The following WWOX variants were observed in gnomAD, a reference collection of about 807,000 sequenced individuals.
WWOX encodes WW domain containing oxidoreductase, also known as WW domain-containing oxidoreductase.
In WWOX, 69 loss-of-function variants were observed where a neutral mutation model predicts 46.2. The observed-to-expected ratio is 1.49, with a 90% CI of 1.23 to 1.82. The LOEUF (loss-of-function observed/expected upper bound fraction) is 1.82, where lower values mean the gene tolerates loss of function less well. Ranked by LOEUF, WWOX falls within the 40% of genes most tolerant of loss-of-function variation. The pLI is 0.00. For synonymous variants in WWOX, 359 were observed against 202.6 expected (o/e 1.77, Z -6.56); for missense variants, 919 against 542.6 (o/e 1.69, Z -6.89).
intron 8 of WWOX, among the ~76,000 whole-genome samples, chr16:78,719,103 A>T (rs745318567): frequency 2.0e-5 from 3 of 152,194 alleles, no homozygotes; most frequent in Non-Finnish European, 1.5e-5. Context: ...ATGACGCACA[A>T]CTGGTTTCAA....
intron 8 of WWOX, among the ~76,000 whole-genome samples, chr16:78,846,676 C>G (rs1432856601): frequency 2.6e-5 from 4 of 152,046 alleles, no homozygotes; most frequent in Non-Finnish European, 5.9e-5. Context: ...CCAGATTTCT[C>G]CACTGTAAAG....
At chr16:78,869,824 G>C (rs80142642) in intron 8 of WWOX, among the ~76,000 whole-genome samples, 2,604 of 152,306 alleles carry the variant, frequency 0.017, 81 homozygotes, top group African/African-American at 0.059. Flanking sequence ...CATTTGCTTT[G>C]GAGTAAGTTT....
At chr16:78,443,070 A>G (rs1442675622) in intron 8 of WWOX, among the ~76,000 whole-genome samples, 2 of 135,402 alleles carry the variant, frequency 1.5e-5, no homozygotes, top group Admixed American at 1.7e-4. Flanking sequence ...CGGGAGGTGG[A>G]GGTTGCAGTG....
intron 8 of WWOX, among the ~76,000 whole-genome samples, chr16:78,820,066 G>A (rs2051450519): frequency 1.3e-5 from 2 of 152,150 alleles, no homozygotes; most frequent in African/African-American, 2.4e-5. Flanking sequence ...CCTCTGTACT[G>A]TCATCGTTAT....
chr16:78,398,516 C>T (rs1233204654), intron 6 of WWOX, among the ~76,000 whole-genome samples: 4 of 152,202 alleles, frequency 2.6e-5, no homozygotes, highest in African/African-American at 9.6e-5. Flanking sequence ...CTTCTACCTG[C>T]TCTTACCCGG....
chr16:78,979,523 C>CA (rs2046639914), intron 8 of WWOX, among the ~76,000 whole-genome samples: 1 of 152,184 alleles, frequency 6.6e-6, no homozygotes, highest in Non-Finnish European at 1.5e-5. Flanking sequence ...GAAAGGCCCT[C>CA]ACTCCCTGGA....
intron 8 of WWOX, among the ~76,000 whole-genome samples, chr16:78,940,723 C>T (rs941062205): frequency 6.1e-5 from 9 of 147,758 alleles, no homozygotes; most frequent in Non-Finnish European, 7.4e-5. Context: ...ATCTACCCAG[C>T]GGGGTTACTT....
At chr16:79,188,485 G>A (rs1295130527) in intron 8 of WWOX, among the ~76,000 whole-genome samples, 1 of 152,204 alleles carries the variant, frequency 6.6e-6, no homozygotes, top group Non-Finnish European at 1.5e-5. Flanking sequence ...CCAGTAGGAG[G>A]TTCAGCACGC....
At chr16:78,391,140 G>A (rs1276981257) in intron 6 of WWOX, among the ~76,000 whole-genome samples, 1 of 152,170 alleles carries the variant, frequency 6.6e-6, no homozygotes, top group Non-Finnish European at 1.5e-5. Flanking sequence ...CCTTCTGTGG[G>A]AGATGGGGAT....
chr16:78,488,560 A>T (rs533639408), intron 8 of WWOX, among the ~76,000 whole-genome samples: 1 of 152,070 alleles, frequency 6.6e-6, no homozygotes. Flanking sequence ...TTTTGGCCCT[A>T]CCTGGAGCCT....
chr16:78,672,541 G>A (rs768383439), intron 8 of WWOX, among the ~76,000 whole-genome samples: 1 of 152,202 alleles, frequency 6.6e-6, no homozygotes, highest in Non-Finnish European at 1.5e-5. Context: ...AGTCGGCAGT[G>A]TAGCATGGCA....
At chr16:78,754,081 T>A (rs1325779912) in intron 8 of WWOX, among the ~76,000 whole-genome samples, 2 of 151,860 alleles carry the variant, frequency 1.3e-5, no homozygotes, top group South Asian at 4.2e-4. Flanking sequence ...CCATTGGGCA[T>A]TGCTAAGTAT....
chr16:78,351,081 A>T (rs549588229), intron 5 of WWOX, among the ~76,000 whole-genome samples: 1 of 152,090 alleles, frequency 6.6e-6, no homozygotes, highest in East Asian at 1.9e-4. Context: ...TGATTATTGG[A>T]TGGATGATTT....
intron 8 of WWOX, among the ~76,000 whole-genome samples, chr16:78,964,217 G>C (rs1055027655): frequency 1.1e-4 from 17 of 152,202 alleles, no homozygotes; most frequent in African/African-American, 3.6e-4. Flanking sequence ...AGTTAGAACC[G>C]TTGGGAGGTC....
At chr16:78,876,183 G>A (rs2044230069) in intron 8 of WWOX, among the ~76,000 whole-genome samples, 1 of 150,404 alleles carries the variant, frequency 6.6e-6, no homozygotes, top group Admixed American at 6.7e-5. Context: ...TTTAACAACG[G>A]AAAACACTTA....
At chr16:78,549,761 G>A (rs2738509) in intron 8 of WWOX, among the ~76,000 whole-genome samples, 1 of 152,180 alleles carries the variant, frequency 6.6e-6, no homozygotes, top group Non-Finnish European at 1.5e-5. Context: ...TAGATATGAA[G>A]CCTAAGGGTA....
intron 8 of WWOX, among the ~76,000 whole-genome samples, chr16:78,613,128 C>A (rs189399484): frequency 2.7e-3 from 414 of 152,254 alleles, no homozygotes; most frequent in Non-Finnish European, 4.4e-3. Flanking sequence ...TTCCTGCTTG[C>A]TCCTCTGCTC....
chr16:78,112,739 T>C (rs1028585182), intron 3 of WWOX, among the ~76,000 whole-genome samples: 4 of 151,068 alleles, frequency 2.6e-5, no homozygotes, highest in African/African-American at 9.7e-5. Context: ...GCTCTTCTTA[T>C]CCAGGGCTGA....
chr16:78,540,020 T>TCTCTCTCA (rs369075883), intron 8 of WWOX, among the ~76,000 whole-genome samples: 4 of 132,854 alleles, frequency 3.0e-5, no homozygotes, highest in Admixed American at 7.6e-5. Flanking sequence ...TCTCTCTCTC[T>TCTCTCTCA]CACACACACA....
Sources: gnomAD v4.1 joint callset for allele counts (sites outside exome capture counted in the v4.1 genomes callset) on GRCh38, gnomAD v4.1.1 for gene constraint, MANE v1.5 for transcripts, NCBI Gene and HGNC (gene_info 2026-07-23, HGNC 2026-07-21) for gene names.